The following BMPR1B variants were observed in gnomAD, a reference collection of about 807,000 sequenced individuals.
The protein encoded by BMPR1B is bone morphogenetic protein receptor type-1B.
A neutral mutation model predicts 59.1 loss-of-function variants in BMPR1B; 12 were observed. The ratio of observed to expected loss-of-function variants is 0.20; its 90% CI spans 0.13 to 0.33. The LOEUF is 0.33. Ranked by LOEUF, BMPR1B falls within the 10% of genes least tolerant of loss-of-function variation. The pLI is 1.00. For synonymous variants in BMPR1B, 237 were observed against 207.3 expected, an observed-to-expected ratio of 1.14 and a Z score of -1.23; for missense variants, 550 against 610.9, an observed-to-expected ratio of 0.90 and a Z score of 1.05.
intron 3 of BMPR1B, among the ~76,000 whole-genome samples, chr4:95,032,278 C>T (rs1020883749): frequency 3.3e-5 from 5 of 151,928 alleles, no homozygotes; most frequent in East Asian, 1.9e-4. Context: ...TGAGAGAGAG[C>T]GGGCATGCAC....
chr4:94,823,046 C>G (rs1259357856), intron 1 of BMPR1B, among the ~76,000 whole-genome samples: 4 of 152,132 alleles, frequency 2.6e-5, no homozygotes, highest in Non-Finnish European at 5.9e-5. Context: ...CTTTTGGTAT[C>G]TATGCTTGGC....
At chr4:95,146,220 G>C (rs528336575) in intron 10 of BMPR1B, among the ~76,000 whole-genome samples, 1 of 152,170 alleles carries the variant, frequency 6.6e-6, no homozygotes, top group Non-Finnish European at 1.5e-5. Context: ...GGGGAGGAGA[G>C]AGATGGCTTA....
intron 2 of BMPR1B, among the ~76,000 whole-genome samples, chr4:94,977,436 C>T (rs1049494138): frequency 2.0e-5 from 3 of 149,004 alleles, no homozygotes; most frequent in Non-Finnish European, 4.4e-5. Context: ...TCTGGAGTGA[C>T]AGGGAATGCA....
chr4:94,939,641 A>G lies in BMPR1B; in HGVS notation c.-112-56399A>G, dbSNP rs925812467. 2.0e-5 allele frequency among the ~76,000 whole-genome samples: 3 copies of G among 152,336 alleles called. No individual in the cohort carries two copies. In the South Asian group the frequency reaches 6.2e-4, roughly 32 times the overall value. Reference sequence around the variant, plus strand: ...TACTGTAGCTTTCTTAGGTTCTTTTAAATCCTGTATAGAGACAGGCAGCTA... The same window carrying G: ...TACTGTAGCTTTCTTAGGTTCTTTTGAATCCTGTATAGAGACAGGCAGCTA... On this transcript the variant is annotated intron_variant, in intron 2 of 12. Coordinates refer to ENST00000515059, the MANE Select transcript of BMPR1B (RefSeq NM_001203.3).
chr4:94,926,795 A>G (rs973508508), intron 2 of BMPR1B, among the ~76,000 whole-genome samples: 2 of 152,138 alleles, frequency 1.3e-5, no homozygotes, highest in Non-Finnish European at 2.9e-5. Flanking sequence ...AATGGTATTC[A>G]TAGGTGAAAA....
At chr4:95,056,167 A>C (rs1726913428) in intron 3 of BMPR1B, among the ~76,000 whole-genome samples, 1 of 152,202 alleles carries the variant, frequency 6.6e-6, no homozygotes, top group Admixed American at 6.5e-5. Flanking sequence ...TTTTAGGTCC[A>C]GATGGCCTCT....
At chr4:94,976,971 C>G (rs1306035364) in intron 2 of BMPR1B, among the ~76,000 whole-genome samples, 1 of 152,142 alleles carries the variant, frequency 6.6e-6, no homozygotes, top group African/African-American at 2.4e-5. Flanking sequence ...ATAATTTCCT[C>G]TGCCTTTTTC....
intron 10 of BMPR1B, among the ~76,000 whole-genome samples, chr4:95,138,621 T>C (rs1312896114): frequency 6.6e-6 from 1 of 152,176 alleles, no homozygotes; most frequent in Non-Finnish European, 1.5e-5. Flanking sequence ...TACTCTTTTT[T>C]CTCTACACTT....
chr4:94,789,489 CGTT>C (rs1722893132), intron 1 of BMPR1B, among the ~76,000 whole-genome samples: 1 of 152,074 alleles, frequency 6.6e-6, no homozygotes. Context: ...GGGCTAAAGG[CGTT>C]GTTGATGTTG....
chr4:94,991,424 T>C (rs1340824082), intron 2 of BMPR1B, among the ~76,000 whole-genome samples: 1 of 152,206 alleles, frequency 6.6e-6, no homozygotes, highest in Non-Finnish European at 1.5e-5. Context: ...TATGCTGTTA[T>C]TGAACCTATA....
At chr4:94,886,931 G>T (rs1727190413) in intron 2 of BMPR1B, among the ~76,000 whole-genome samples, 1 of 152,114 alleles carries the variant, frequency 6.6e-6, no homozygotes, top group Non-Finnish European at 1.5e-5. Flanking sequence ...CTGGGAAGAT[G>T]GGATGAAGAT....
chr4:94,794,400 C>T (rs200038532), intron 1 of BMPR1B, among the ~76,000 whole-genome samples: 1 of 150,940 alleles, frequency 6.6e-6, no homozygotes, highest in African/African-American at 2.5e-5. Context: ...GTACCAGTAC[C>T]ATGCTGTTTT....
At chr4:94,795,843 A>C (rs1723169715) in intron 1 of BMPR1B, among the ~76,000 whole-genome samples, 1 of 152,204 alleles carries the variant, frequency 6.6e-6, no homozygotes, top group South Asian at 2.1e-4. Context: ...ACAAACAAGC[A>C]GCCTCGGACT....
At chr4:94,968,707 TA>T (rs1432233136) in intron 2 of BMPR1B, among the ~76,000 whole-genome samples, 1 of 152,194 alleles carries the variant, frequency 6.6e-6, no homozygotes, top group East Asian at 1.9e-4. Context: ...TGTTACTCTG[TA>T]ACATACTGAC....
chr4:94,767,559 TTAAA>T (rs920032136), intron 1 of BMPR1B, among the ~76,000 whole-genome samples: 6 of 152,180 alleles, frequency 3.9e-5, no homozygotes, highest in Admixed American at 2.0e-4. Flanking sequence ...AATCACTCCT[TTAAA>T]TACTTATCGT....
At chr4:94,933,308 ATTG>A (rs1186765375) in intron 2 of BMPR1B, among the ~76,000 whole-genome samples, 5 of 151,798 alleles carry the variant, frequency 3.3e-5, no homozygotes, top group Admixed American at 6.6e-5. Context: ...CTTTTTCCTT[ATTG>A]TTGTACATTT....
chr4:94,781,523 C>G lies in BMPR1B; in HGVS notation c.-183+23455C>G, dbSNP rs552056704. ...CACCTCCCAGATTCAAGCGATTCCC[C>G]TGCCTCAGCCTCCCGAGTAGCTGGG... On this transcript the variant is annotated intron_variant, in intron 1 of 12. Transcript: ENST00000515059. Among the ~76,000 whole-genome samples the G allele has an allele frequency of 2.6e-4, 39 of 152,120 alleles. 1 individual carries two copies. The highest frequency in any genetic ancestry group is 5.3e-4 in the Non-Finnish European group (36 of 68,026).
At chr4:95,099,596 A>G (rs1730673243) in intron 3 of BMPR1B, among the ~76,000 whole-genome samples, 1 of 151,614 alleles carries the variant, frequency 6.6e-6, no homozygotes, top group Admixed American at 6.6e-5. Context: ...TCTCTGTTTC[A>G]CGCGCGCACA....
chr4:94,858,004 G>A (rs1028555414), intron 1 of BMPR1B, among the ~76,000 whole-genome samples: 3 of 152,078 alleles, frequency 2.0e-5, no homozygotes, highest in African/African-American at 7.2e-5. Context: ...GGAGTGCAGT[G>A]GCGCAATCTT....
Sources: gnomAD v4.1 joint callset for allele counts (sites outside exome capture counted in the v4.1 genomes callset) on GRCh38, gnomAD v4.1.1 for gene constraint, MANE v1.5 for transcripts, NCBI Gene and HGNC (gene_info 2026-07-23, HGNC 2026-07-21) for gene names.